The following GFOD2 variants were observed in gnomAD, a reference collection of about 807,000 sequenced individuals.
GFOD2 encodes the protein glucose-fructose oxidoreductase domain-containing protein 2.
GFOD2 carries 9 observed loss-of-function variants against 24.6 expected under a neutral mutation model. That is an observed-to-expected ratio of 0.37 (90% CI 0.22 to 0.64). The LOEUF (loss-of-function observed/expected upper bound fraction) is 0.64. GFOD2 is among the 30% of genes least tolerant of loss of function. GFOD2 has a pLI of 0.65. For missense variants in GFOD2, 476 were observed against 532.5 expected, an observed-to-expected ratio of 0.89 and a Z score of 1.04; for synonymous variants, 211 against 224.8, an observed-to-expected ratio of 0.94 and a Z score of 0.55.
intron 1 of GFOD2, among the ~76,000 whole-genome samples, chr16:67,688,273 A>G (rs971908376): frequency 9.8e-5 from 15 of 152,340 alleles, no homozygotes; most frequent in South Asian, 4.1e-4. Flanking sequence ...TAATATATCT[A>G]TAAAATATCT....
chr16:67,685,333 C>G (rs2053257663), intron 2 of GFOD2, 124 bp downstream of exon 2: 1 of 1,507,488 alleles, frequency 6.6e-7, no homozygotes, highest in South Asian at 1.3e-5. Flanking sequence ...CAAGTGATGT[C>G]CCAGAGTTCT....
At chr16:67,715,416 GT>G (rs953270968) in intron 1 of GFOD2, among the ~76,000 whole-genome samples, 4 of 151,636 alleles carry the variant, frequency 2.6e-5, no homozygotes, top group African/African-American at 4.8e-5. Context: ...ATTTTTTTTT[GT>G]CTTTGAAGAC....
At chr16:67,710,616 C>G (rs1371726951) in intron 1 of GFOD2, among the ~76,000 whole-genome samples, 2 of 152,166 alleles carry the variant, frequency 1.3e-5, no homozygotes, top group Non-Finnish European at 2.9e-5. Context: ...CCCACCTCAG[C>G]CTCCCAAAGT....
At chr16:67,706,268 C>A (rs1009685234) in intron 1 of GFOD2, among the ~76,000 whole-genome samples, 7 of 152,088 alleles carry the variant, frequency 4.6e-5, no homozygotes, top group Non-Finnish European at 1.0e-4. Flanking sequence ...TGAGCCACTG[C>A]GCCTGGCCTG....
chr16:67,685,344 C>T, intron 2 of GFOD2, 113 bp downstream of exon 2: 1 of 1,529,706 alleles, frequency 6.5e-7, no homozygotes, highest in Non-Finnish European at 8.8e-7. Context: ...CCAGAGTTCT[C>T]CTCCCTGCAG....
chr16:67,683,436 G>A (rs766622657), intron 2 of GFOD2: 25 of 1,230,098 alleles, frequency 2.0e-5, no homozygotes, highest in African/African-American at 4.7e-5. Context: ...GACCAATAGC[G>A]GCTTGCTTCC....
At chr16:67,676,467 C>A in intron 2 of GFOD2, 1 of 184,252 alleles carries the variant, frequency 5.4e-6, no homozygotes, top group Non-Finnish European at 1.1e-5. Flanking sequence ...GGTTCTGTTT[C>A]TCTGGAGAAC....
intron 1 of GFOD2, among the ~76,000 whole-genome samples, chr16:67,704,001 T>C (rs1597802010): frequency 1.3e-5 from 2 of 152,212 alleles, no homozygotes; most frequent in East Asian, 3.8e-4. Flanking sequence ...TTCATCCATG[T>C]TGTAGCATGT....
In GFOD2 at chr16:67,685,491, A is replaced by C; in HGVS notation, c.225T>G (p.Pro75=). ...TCACGGATATCTGCCGGGTGAGTGG[A>C]GGGGGGATGCTGATGCACACCAGAT... The part of the protein sequence containing the change: ...DVDLVCISIP[P]PLTRQISVKA... The change falls in exon 2 of 3, where the codon CCT becomes CCG. Residue 75 remains proline, a synonymous_variant. Coordinates refer to ENST00000268797, the MANE Select transcript of GFOD2 (RefSeq NM_030819.4). 1 of 1,614,036 alleles carries C rather than the reference A, an allele frequency of 6.2e-7. No homozygotes were observed. Among genetic ancestry groups the C allele is most frequent in the Non-Finnish European group, 8.5e-7 (1 of 1,179,992 alleles).
chr16:67,686,142 G>A (rs1264533355), intron 1 of GFOD2, among the ~76,000 whole-genome samples: 1 of 152,116 alleles, frequency 6.6e-6, no homozygotes, highest in Non-Finnish European at 1.5e-5. Flanking sequence ...ATAGCCAGAT[G>A]TGGTGGCATG....
At chr16:67,687,556 G>A (rs1170430582) in intron 1 of GFOD2, among the ~76,000 whole-genome samples, 1 of 150,710 alleles carries the variant, frequency 6.6e-6, no homozygotes, top group Non-Finnish European at 1.5e-5. Context: ...CAGGAGAATG[G>A]CGTGAACCCA....
intron 1 of GFOD2, among the ~76,000 whole-genome samples, chr16:67,703,486 G>A (rs900968317): frequency 5.9e-5 from 9 of 152,164 alleles, no homozygotes; most frequent in Admixed American, 5.2e-4. Flanking sequence ...TGTGTCAAAT[G>A]AGATAAATAT....
chr16:67,705,735 G>A (rs1035537493), intron 1 of GFOD2, among the ~76,000 whole-genome samples: 1 of 151,772 alleles, frequency 6.6e-6, no homozygotes, highest in Non-Finnish European at 1.5e-5. Flanking sequence ...GGTCAGGAGT[G>A]CGAGACCAGC....
At chr16:67,698,226 C>G (rs1230228733) in intron 1 of GFOD2, among the ~76,000 whole-genome samples, 2 of 152,108 alleles carry the variant, frequency 1.3e-5, no homozygotes, top group Non-Finnish European at 2.9e-5. Context: ...TTTAGAGGAC[C>G]CCTCTCTCCC....
At chr16:67,699,545 G>A (rs545863011) in intron 1 of GFOD2, among the ~76,000 whole-genome samples, 56 of 152,012 alleles carry the variant, frequency 3.7e-4, no homozygotes, top group South Asian at 4.2e-4. Context: ...ATGCAGTGGC[G>A]CAATCTCGGC....
rs537000430 is a variant in GFOD2, at chr16:67,693,863, T to G, written c.-87-8061A>C. Among the ~76,000 whole-genome samples, 138 of 152,126 alleles carry G rather than the reference T, an allele frequency of 9.1e-4. 1 individual carries two copies. The highest frequency in any genetic ancestry group is 3.2e-3 in the African/African-American group (132 of 41,508). ...TGTGCCCAGGAGTTTCAGGCTATAG[T>G]GGGTTATGATCATGCCATTGCACTC... On this transcript the variant is annotated intron_variant, in intron 1 of 2. Transcript: ENST00000268797.
chr16:67,714,409 T>A (rs533086988), intron 1 of GFOD2, among the ~76,000 whole-genome samples: 2 of 139,822 alleles, frequency 1.4e-5, no homozygotes, highest in Non-Finnish European at 3.0e-5. Flanking sequence ...AACCCAGAAG[T>A]GGACATTGCA....
chr16:67,718,488 A>T (rs930451316), intron 1 of GFOD2, among the ~76,000 whole-genome samples: 4 of 151,834 alleles, frequency 2.6e-5, no homozygotes, highest in African/African-American at 9.7e-5. Context: ...GTCCCTGTCC[A>T]CTCTTCCTCC....
At chr16:67,683,290 G>A (rs1043672749) in intron 2 of GFOD2, 14 of 1,183,926 alleles carry the variant, frequency 1.2e-5, no homozygotes, top group East Asian at 1.1e-4. Flanking sequence ...CTTTCTTCCC[G>A]TATAGCTTGG....
Sources: allele counts gnomAD v4.1 joint callset (sites outside exome capture counted in the v4.1 genomes callset), GRCh38; gene constraint gnomAD v4.1.1; transcripts MANE v1.5; gene names NCBI Gene and HGNC (gene_info 2026-07-23, HGNC 2026-07-21).